The following PRIMA1 variants were observed in gnomAD, a reference collection of about 807,000 sequenced individuals.
The protein encoded by PRIMA1 is proline-rich membrane anchor 1.
In PRIMA1, 7 loss-of-function variants were observed where a neutral mutation model predicts 17.5. The observed-to-expected ratio is 0.40, with a 90% confidence interval of 0.23 to 0.75. The LOEUF is 0.75. Among genes scored for constraint, PRIMA1 ranks in the 30% least tolerant of loss-of-function variants. The probability of loss-of-function intolerance (pLI) is 0.37; values close to 1 mark genes in which losing one functional copy is unlikely to be tolerated. For synonymous variants in PRIMA1, 97 were observed against 77.9 expected (o/e 1.25, Z -1.29); for missense variants, 200 against 201.8 (o/e 0.99, Z 0.05).
intron 3 of PRIMA1, among the ~76,000 whole-genome samples, chr14:93,751,599 C>T (rs2076259863): frequency 1.3e-5 from 2 of 152,108 alleles, no homozygotes; most frequent in Admixed American, 6.5e-5. Flanking sequence ...TGACTCCTTC[C>T]CAGGACCACC....
chr14:93,781,002 GC>G (rs34370848), intron 2 of PRIMA1, among the ~76,000 whole-genome samples: 1 of 152,194 alleles, frequency 6.6e-6, no homozygotes, highest in East Asian at 1.9e-4. Flanking sequence ...GGCAGGGAGA[GC>G]CCCCCGGGGC....
At chr14:93,767,723 G>T (rs1449106561) in intron 3 of PRIMA1, among the ~76,000 whole-genome samples, 3 of 152,166 alleles carry the variant, frequency 2.0e-5, no homozygotes, top group Non-Finnish European at 4.4e-5. Context: ...CCGAGCACCT[G>T]CCTCATGCTA....
At position 93,720,056 on chromosome 14, in the gene PRIMA1, G is replaced by A. The variant is rs924525543; in HGVS notation, c.*1388C>T. 2.0e-5 allele frequency: 3 copies of A among 152,258 alleles called. No homozygotes were observed. Among genetic ancestry groups the A allele is most frequent in the African/African-American group, 7.2e-5 (3 of 41,454 alleles). The allele number at this position is 152,258 out of a possible 1,614,324, so 9.4% of individuals were successfully genotyped here. A position where few individuals can be genotyped will look rare whatever the true frequency, so the allele number is the denominator to read the frequency against. On this transcript the variant is annotated 3_prime_UTR_variant, in exon 5 of 5. Coordinates refer to ENST00000393140, the MANE Select transcript of PRIMA1 (RefSeq NM_178013.4). ...AAACACCTATCAGAGGAGCACACTG[G>A]AGGTTTAGGAGGCAAACCAGGTCTT...
rs1436859608 is a variant in PRIMA1, at chr14:93,726,900, TAC to T, written c.360-5356_360-5355del. 2.6e-5 allele frequency among the ~76,000 whole-genome samples: 4 copies of T among 152,236 alleles called. No homozygotes were observed. The highest frequency in any genetic ancestry group is 9.6e-5 in the African/African-American group (4 of 41,516). On this transcript the variant is annotated intron_variant, in intron 4 of 4. Coordinates refer to ENST00000393140, the MANE Select transcript of PRIMA1 (RefSeq NM_178013.4). This position sits in a 1 kb window ranked among gnomAD's most constrained non-coding sequence, Gnocchi z 4.2. The stretch of plus-strand genomic sequence containing the variant: ...ACATGCATGCACACATACATATGAA[TAC>T]ACATATGCATATGCATACCTACAGA...
chr14:93,779,233 G>GCGCC lies in PRIMA1; in HGVS notation c.171_172insGGCG (p.Pro58GlyfsTer30). The stretch of plus-strand genomic sequence containing the variant: ...GGTGGGGGCGGCGGGGGCAGCGGGG[G>GCGCC]AGGGGGCCGGCACTGGCAGACGTGT... On this transcript the variant is annotated frameshift_variant, in exon 3 of 5. Coordinates refer to ENST00000393140, the MANE Select transcript of PRIMA1 (RefSeq NM_178013.4). LOFTEE classifies it high-confidence loss of function. The GCGCC allele has an allele frequency of 9.1e-7, 1 of 1,094,128 alleles. No individual in the cohort carries two copies. The highest frequency in any genetic ancestry group is 1.3e-6 in the Non-Finnish European group (1 of 775,670). The allele number at this position is 1,094,128 out of a possible 1,614,324, so 67.8% of individuals were successfully genotyped here.
intron 3 of PRIMA1, among the ~76,000 whole-genome samples, chr14:93,754,506 A>G (rs926780648): frequency 6.6e-6 from 1 of 152,196 alleles, no homozygotes; most frequent in African/African-American, 2.4e-5. Flanking sequence ...TCCCTAGGGC[A>G]GACAGCAAGA....
At chr14:93,754,221 C>T (rs188449785) in intron 3 of PRIMA1, among the ~76,000 whole-genome samples, 9 of 152,324 alleles carry the variant, frequency 5.9e-5, no homozygotes, top group Admixed American at 3.9e-4. Flanking sequence ...CACTGTCCCC[C>T]TTGACTGAAG....
intron 2 of PRIMA1, among the ~76,000 whole-genome samples, chr14:93,784,675 C>T (rs1459660951): frequency 6.6e-6 from 1 of 152,188 alleles, no homozygotes; most frequent in African/African-American, 2.4e-5. Context: ...GTTCTGTCTG[C>T]CTGGACACCT....
At position 93,726,799 on chromosome 14, in the gene PRIMA1, C is replaced by T. The variant is rs1218492230; in HGVS notation, c.360-5253G>A. ...CACACAAACAATATACACATACACA[C>T]ATGTACTTCAACACACACACAATAT... is the stretch of plus-strand genomic sequence containing the variant. On this transcript the variant is annotated intron_variant, in intron 4 of 4. Transcript: ENST00000393140. The surrounding 1 kb of genome is among the most constrained non-coding windows in gnomAD (Gnocchi z 4.2). Among the ~76,000 whole-genome samples the T allele has an allele frequency of 6.6e-6, 1 of 152,088 alleles. No individual in the cohort carries two copies. The highest frequency in any genetic ancestry group is 2.4e-5 in the African/African-American group (1 of 41,374).
chr14:93,746,672 G>A (rs553958361), intron 3 of PRIMA1, among the ~76,000 whole-genome samples: 6 of 152,240 alleles, frequency 3.9e-5, no homozygotes, highest in South Asian at 4.1e-4. Context: ...GGTGTGTGGC[G>A]TGGGGGAAGG....
chr14:93,733,082 C>T (rs1339902567), intron 4 of PRIMA1, among the ~76,000 whole-genome samples: 1 of 152,228 alleles, frequency 6.6e-6, no homozygotes, highest in Non-Finnish European at 1.5e-5. Context: ...GTTGCATGGG[C>T]TCCCTATGGC....
At position 93,771,650 on chromosome 14, in the gene PRIMA1, C is replaced by T. The variant is rs922417830; in HGVS notation, c.229+7526G>A. On this transcript the variant is annotated intron_variant, in intron 3 of 4. Coordinates refer to ENST00000393140, the MANE Select transcript of PRIMA1 (RefSeq NM_178013.4). ...TGGTGTTGTAGCTTTTGGAGTAGTT[C>T]GTTCTGCAGCCGTAAATGACCAGAA... Among the ~76,000 whole-genome samples, 12 of 152,266 alleles carry T rather than the reference C, an allele frequency of 7.9e-5. No homozygotes were observed. The South Asian group carries it at 1.0e-3, about 13-fold the overall frequency.
At chr14:93,753,118 G>C (rs1030531188) in intron 3 of PRIMA1, among the ~76,000 whole-genome samples, 12 of 152,186 alleles carry the variant, frequency 7.9e-5, no homozygotes, top group Non-Finnish European at 1.8e-4. Flanking sequence ...AGACTGATGC[G>C]TCCAACACAG....
intron 3 of PRIMA1, among the ~76,000 whole-genome samples, chr14:93,775,470 GT>G (rs201277349): frequency 2.0e-5 from 3 of 152,056 alleles, no homozygotes; most frequent in South Asian, 2.1e-4. Flanking sequence ...GCAGGCACTT[GT>G]TTTTTTTGTT....
At chr14:93,752,502 C>T (rs2076266291) in intron 3 of PRIMA1, among the ~76,000 whole-genome samples, 1 of 152,162 alleles carries the variant, frequency 6.6e-6, no homozygotes, top group Non-Finnish European at 1.5e-5. Flanking sequence ...GTACTAAGTA[C>T]TCACTATATC....
chr14:93,746,276 G>A (rs2076217583), intron 3 of PRIMA1, among the ~76,000 whole-genome samples: 1 of 152,044 alleles, frequency 6.6e-6, no homozygotes, highest in Non-Finnish European at 1.5e-5. Context: ...ACACTGCTGT[G>A]TCCTTTACTC....
chr14:93,749,388 T>C (rs1215816743), intron 3 of PRIMA1, among the ~76,000 whole-genome samples: 1 of 152,214 alleles, frequency 6.6e-6, no homozygotes, highest in Non-Finnish European at 1.5e-5. Context: ...CTGTGTGCCA[T>C]GCACCATGCT....
chr14:93,755,189 AC>A (rs1311294851), intron 3 of PRIMA1, among the ~76,000 whole-genome samples: 3 of 152,180 alleles, frequency 2.0e-5, no homozygotes, highest in Non-Finnish European at 4.4e-5. Context: ...GGAGGAGGTA[AC>A]CGATTCCCAT....
At chr14:93,737,704 C>T (rs774369752) in intron 3 of PRIMA1, among the ~76,000 whole-genome samples, 6 of 152,200 alleles carry the variant, frequency 3.9e-5, no homozygotes, top group African/African-American at 9.7e-5. Flanking sequence ...CTGACCTTTC[C>T]GGCCATCCCT....
Sources: allele counts gnomAD v4.1 joint callset (sites outside exome capture counted in the v4.1 genomes callset), GRCh38; gene constraint gnomAD v4.1.1; non-coding constraint Gnocchi (gnomAD v3.1); transcripts MANE v1.5; gene names NCBI Gene and HGNC (gene_info 2026-07-23, HGNC 2026-07-21).